SPRY3: variants seen among roughly 807,000 people sequenced by gnomAD.
SPRY3 encodes protein sprouty homolog 3.
In SPRY3, 15 loss-of-function variants were observed where a neutral mutation model predicts 20.2. The observed-to-expected ratio is 0.74, with a 90% CI of 0.50 to 1.14. The LOEUF (loss-of-function observed/expected upper bound fraction) is 1.14. Ranked by LOEUF, SPRY3 falls within the 50% of genes most tolerant of loss-of-function variation. The pLI is 0.00. For synonymous variants in SPRY3, 143 were observed against 136.5 expected, an observed-to-expected ratio of 1.05 and a Z score of -0.33; for missense variants, 364 against 363.9, an observed-to-expected ratio of 1.00 and a Z score of 0.00.
intron 2 of SPRY3, among the ~76,000 whole-genome samples, chrX:155,712,808 T>C (rs2124543977): frequency 6.6e-6 from 1 of 151,900 alleles, no homozygotes; most frequent in East Asian, 1.9e-4. Context: ...TGGTATAATT[T>C]AATTTCTTGT....
intron 2 of SPRY3, among the ~76,000 whole-genome samples, chrX:155,723,468 C>T (rs1036048789): frequency 3.9e-4 from 59 of 152,096 alleles, no homozygotes; most frequent in African/African-American, 1.3e-3. Context: ...TTTTACTGTT[C>T]GCCATTCTAA....
chrX:155,729,980 A>T (rs993853028), intron 2 of SPRY3, among the ~76,000 whole-genome samples: 1 of 152,184 alleles, frequency 6.6e-6, no homozygotes, highest in African/African-American at 2.4e-5. Flanking sequence ...TCCTGGACAC[A>T]TACAACCTAC....
At chrX:155,733,045 G>C (rs982976663) in intron 2 of SPRY3, among the ~76,000 whole-genome samples, 2 of 151,778 alleles carry the variant, frequency 1.3e-5, no homozygotes, top group African/African-American at 2.4e-5. Context: ...AATGGTTAAT[G>C]GGTACAAAAC....
chrX:155,694,648 A>C (rs966740746), intron 2 of SPRY3, among the ~76,000 whole-genome samples: 2 of 111,680 alleles, frequency 1.8e-5, no homozygotes, highest in Non-Finnish European at 3.8e-5. Context: ...AATCAGTGGG[A>C]GCCTTGAGCA....
intron 2 of SPRY3, among the ~76,000 whole-genome samples, chrX:155,715,174 G>T (rs1490530775): frequency 1.3e-5 from 2 of 152,072 alleles, no homozygotes. Context: ...CACCACAGCT[G>T]GGAATGTGCT....
intron 2 of SPRY3, among the ~76,000 whole-genome samples, chrX:155,728,459 G>C (rs1569388681): frequency 1.3e-5 from 2 of 152,200 alleles, no homozygotes; most frequent in African/African-American, 2.4e-5. Flanking sequence ...AGCTACAGTG[G>C]GCTCTGCCCA....
chrX:155,774,388 C>A (rs757256938), exon 4 of SPRY3: 1 of 1,613,914 alleles, frequency 6.2e-7, no homozygotes, highest in Non-Finnish European at 8.5e-7. Context: ...GTGCAACCAG[C>A]GCTGCCTTTG....
chrX:155,710,910 G>A (rs759913848), intron 2 of SPRY3, among the ~76,000 whole-genome samples: 36 of 151,394 alleles, frequency 2.4e-4, no homozygotes, highest in African/African-American at 6.0e-4. Context: ...TTTATTAAGC[G>A]TTTATTTTAA....
At chrX:155,673,671 T>TGA (rs2068050986) in intron 2 of SPRY3, among the ~76,000 whole-genome samples, 1 of 112,243 alleles carries the variant, frequency 8.9e-6, no homozygotes, top group African/African-American at 3.2e-5. Context: ...GGCACCTCCT[T>TGA]GGAATTTTTC....
In SPRY3 at chrX:155,663,780, A is replaced by G. The variant is rs995225072; in HGVS notation, c.-282+6755A>G. ...CTAGGAGATTCTGAGGTATGCTAAAAGTTTGAAAACCACTAGAATCAAGAT... is the reference window on the plus strand; with the variant it reads ...CTAGGAGATTCTGAGGTATGCTAAAGGTTTGAAAACCACTAGAATCAAGAT... On this transcript the variant is annotated intron_variant, in intron 2 of 3. Transcript: ENST00000675360. Among the ~76,000 whole-genome samples, 5 of 111,158 alleles carry G rather than the reference A, an allele frequency of 4.5e-5. 1 individual carries two copies. The East Asian group carries it at 1.4e-3, about 31-fold the overall frequency.
chrX:155,654,516 C>T (rs2067985957), intron 1 of SPRY3, among the ~76,000 whole-genome samples: 1 of 111,011 alleles, frequency 9.0e-6, no homozygotes, highest in African/African-American at 3.3e-5. Flanking sequence ...TACTATTTCA[C>T]TCTGTATGTC....
At chrX:155,615,697 A>T (rs930458815) in intron 1 of SPRY3, among the ~76,000 whole-genome samples, 6 of 111,392 alleles carry the variant, frequency 5.4e-5, no homozygotes, top group Non-Finnish European at 5.7e-5. Context: ...AATTTTCCTC[A>T]CCTATTCATG....
intron 2 of SPRY3, among the ~76,000 whole-genome samples, chrX:155,665,386 G>C (rs2068021544): frequency 9.0e-6 from 1 of 110,953 alleles, no homozygotes; most frequent in Admixed American, 9.6e-5. Flanking sequence ...TATGCATTAG[G>C]AGATATGGTG....
intron 2 of SPRY3, among the ~76,000 whole-genome samples, chrX:155,754,720 G>A (rs769675423): frequency 3.9e-5 from 6 of 151,986 alleles, no homozygotes; most frequent in African/African-American, 1.4e-4. Context: ...TTCAATCTAC[G>A]AATATGGAGT....
intron 2 of SPRY3, among the ~76,000 whole-genome samples, chrX:155,757,342 G>A (rs1819637730): frequency 6.6e-6 from 1 of 152,032 alleles, no homozygotes; most frequent in African/African-American, 2.4e-5. Flanking sequence ...TCCCCATATA[G>A]CTGGATGGCT....
chrX:155,714,509 A>C (rs1159661002), intron 2 of SPRY3, among the ~76,000 whole-genome samples: 1 of 152,094 alleles, frequency 6.6e-6, no homozygotes, highest in African/African-American at 2.4e-5. Flanking sequence ...ACTTTCTCCC[A>C]AACATATGGC....
chrX:155,708,317 T>C (rs2090964581), intron 2 of SPRY3, among the ~76,000 whole-genome samples: 1 of 151,460 alleles, frequency 6.6e-6, no homozygotes, highest in Admixed American at 6.6e-5. Flanking sequence ...GATTTTTTTC[T>C]CTCAGCACTT....
chrX:155,779,999 A>C (rs700447), downstream of SPRY3: 106,371 of 166,710 alleles, frequency 0.64, 34,872 homozygotes, highest in African/African-American at 0.8. Flanking sequence ...TGACACTACC[A>C]GTGTTGCTGC....
intron 2 of SPRY3, among the ~76,000 whole-genome samples, chrX:155,725,475 T>G (rs976742722): frequency 9.9e-5 from 15 of 152,170 alleles, no homozygotes; most frequent in Non-Finnish European, 2.1e-4. Context: ...GGTGGGCTAT[T>G]AATTATTGCT....
Sources: gnomAD v4.1 joint callset for allele counts (sites outside exome capture counted in the v4.1 genomes callset) on GRCh38, gnomAD v4.1.1 for gene constraint, MANE v1.5 for transcripts, NCBI Gene and HGNC (gene_info 2026-07-23, HGNC 2026-07-21) for gene names.